The following RAP1GAP variants were observed in gnomAD, a reference collection of about 807,000 sequenced individuals.
The protein encoded by RAP1GAP is RAP1 GTPase activating protein.
In RAP1GAP, 35 loss-of-function variants were observed where a neutral mutation model predicts 87.2. That is an observed-to-expected ratio of 0.40 (90% CI 0.31 to 0.53). The LOEUF (loss-of-function observed/expected upper bound fraction) is 0.53, where lower values mean the gene tolerates loss of function less well. RAP1GAP is among the 20% of genes least tolerant of loss of function. The pLI is 0.48. For synonymous variants in RAP1GAP, 375 were observed against 363.9 expected (o/e 1.03, Z -0.35); for missense variants, 734 against 898.9 (o/e 0.82, Z 2.35).
At chr1:21,624,565 C>A (rs1035361807) in intron 3 of RAP1GAP, among the ~76,000 whole-genome samples, 2 of 152,110 alleles carry the variant, frequency 1.3e-5, no homozygotes, top group African/African-American at 2.4e-5. Flanking sequence ...CAGCCCAGCA[C>A]TGGCTTGCTG....
rs750087485 is a variant in RAP1GAP at position 21,617,992 on chromosome 1, C to T, written c.67-20G>A. Reference sequence around the variant, plus strand: ...CTCTGTCTGCAAAACACAAACAGGGCAAGGGTCTCTCCATCTGTCCATCCT... The same window carrying T: ...CTCTGTCTGCAAAACACAAACAGGGTAAGGGTCTCTCCATCTGTCCATCCT... On this transcript the variant is annotated intron_variant, in intron 5 of 24. Coordinates refer to ENST00000374765, the MANE Select transcript of RAP1GAP (RefSeq NM_002885.4). The T allele has an allele frequency of 6.2e-7, 1 of 1,614,012 alleles. No homozygotes were observed. Among genetic ancestry groups the T allele is most frequent in the Admixed American group, 1.7e-5 (1 of 60,026 alleles).
rs1434286978 is a variant in RAP1GAP, at chr1:21,609,495, A to G, written c.1071+80T>C. On this transcript the variant is annotated intron_variant, in intron 15 of 24. Transcript: ENST00000374765. The surrounding 1 kb of genome is among the most constrained non-coding windows in gnomAD (Gnocchi z 4.4). ...GCATACAATGAGACTTTGGGACCTC[A>G]TAAGGCAGAATGTGTATGCACCCCC... 1.2e-6 allele frequency: 1 copy of G among 835,218 alleles called. No homozygotes were observed. Among genetic ancestry groups the G allele is most frequent in the Non-Finnish European group, 1.8e-6 (1 of 570,910 alleles). 51.7% of individuals were successfully genotyped at this position (835,218 alleles called of 1,614,324 possible).
At chr1:21,661,246 T>A (rs2097143179) in intron 1 of RAP1GAP, among the ~76,000 whole-genome samples, 1 of 138,330 alleles carries the variant, frequency 7.2e-6, no homozygotes, top group Admixed American at 7.2e-5. Flanking sequence ...AGCAAGACTC[T>A]GTCTCCAAAA....
rs2071691181 is a variant in RAP1GAP, at chr1:21,604,048, A to G, written c.1429-1135T>C. 3 of 706,652 alleles carry G rather than the reference A, an allele frequency of 4.2e-6. No individual in the cohort carries two copies. The East Asian group carries it at 8.2e-5, about 19-fold the overall frequency. The allele number at this position is 706,652 out of a possible 1,614,324, so 43.8% of individuals were successfully genotyped here. A position where few individuals can be genotyped will look rare whatever the true frequency, so the allele number is the denominator to read the frequency against. ...GAAGACAGACAGAAAAAGGAAGAGA[A>G]CGGTGCAGGAGGCAATGGGAGAGAT... On this transcript the variant is annotated intron_variant, in intron 18 of 24. Transcript: ENST00000374765.
At chr1:21,602,656 G>A (rs539107424) in intron 19 of RAP1GAP, 148 bp downstream of exon 19, 24 of 659,670 alleles carry the variant, frequency 3.6e-5, no homozygotes, top group Middle Eastern at 2.8e-4. Context: ...TGCCCGACAC[G>A]CAGCAGGGAC....
chr1:21,662,654 T>TCATGCC (rs1553506009), intron 1 of RAP1GAP, among the ~76,000 whole-genome samples: 1 of 151,916 alleles, frequency 6.6e-6, no homozygotes, highest in Admixed American at 6.6e-5. Flanking sequence ...CCACCCCTGC[T>TCATGCC]CCTGCCCCTG....
chr1:21,597,677 G>A lies in RAP1GAP; in HGVS notation c.*34+9C>T. 1 of 1,596,802 alleles carries A rather than the reference G, an allele frequency of 6.3e-7. No individual in the cohort carries two copies. The highest frequency in any genetic ancestry group is 1.7e-5 in the Admixed American group (1 of 59,174). On this transcript the variant is annotated intron_variant, in intron 24 of 24. Transcript: ENST00000374765. ...CCCACCAAACACAAGCTGAGGGGCT[G>A]GGTCTAACCTGCTCAGTTTCACCTT...
At position 21,634,837 on chromosome 1, in the gene RAP1GAP, A is replaced by G; in HGVS notation, c.-112-8440T>C. On this transcript the variant is annotated intron_variant, in intron 2 of 24. Coordinates refer to ENST00000374765, the MANE Select transcript of RAP1GAP (RefSeq NM_002885.4). This position sits in a 1 kb window ranked among gnomAD's most constrained non-coding sequence, Gnocchi z 4.1. ...CTGTGGCCAAAACCTGACCCTTCCC[A>G]CCCCACCGAGGACTTCAGTGTGGAC... The G allele has an allele frequency of 5.4e-6, 2 of 369,288 alleles. No homozygotes were observed. Among genetic ancestry groups the G allele is most frequent in the South Asian group, 2.0e-5 (1 of 50,618 alleles). 22.9% of individuals were successfully genotyped at this position (369,288 alleles called of 1,614,324 possible). A position where few individuals can be genotyped will look rare whatever the true frequency, so the allele number is the denominator to read the frequency against.
chr1:21,658,890 G>A (rs893166963), intron 1 of RAP1GAP, among the ~76,000 whole-genome samples: 3 of 149,810 alleles, frequency 2.0e-5, no homozygotes, highest in African/African-American at 7.4e-5. Flanking sequence ...GAAGTCAGGT[G>A]TGTAGGCAGG....
chr1:21,661,918 G>A (rs1312293023), intron 1 of RAP1GAP, among the ~76,000 whole-genome samples: 1 of 152,214 alleles, frequency 6.6e-6, no homozygotes, highest in Non-Finnish European at 1.5e-5. Flanking sequence ...CCATGTGCAT[G>A]GTGGGCAGAG....
At chr1:21,617,798 G>T in intron 6 of RAP1GAP, 136 bp downstream of exon 6, 1 of 1,260,464 alleles carries the variant, frequency 7.9e-7, no homozygotes, top group Non-Finnish European at 1.1e-6. Flanking sequence ...GAGGCCTTGG[G>T]CCTGCAAATT....
chr1:21,660,723 G>A (rs765658927), intron 1 of RAP1GAP, among the ~76,000 whole-genome samples: 14 of 152,178 alleles, frequency 9.2e-5, no homozygotes, highest in South Asian at 2.1e-4. Context: ...GAGTGATGGC[G>A]TGTTAAACAA....
Position 21,611,475 on chromosome 1 carries a change from A to G in RAP1GAP, c.820T>C (p.Tyr274His). ...ACCTGCTGGGCGTCCCCTTCCGTGT[A>G]TGGCAGCTTGGTGGACACGTGAAAC... ...IMFHVSTKLP[Y>H]TEGDAQQLQR... The change falls in exon 13 of 25, where the codon TAC (tyrosine) becomes CAC (histidine). Residue 274 changes from tyrosine (Y) to histidine (H), a missense_variant. Physicochemically the swap from Tyr to His is moderately conservative, Grantham distance 83. This residue lies in a region of RAP1GAP where 485 missense variants were observed against 646.2 expected (regional missense o/e 0.75). Coordinates refer to ENST00000374765, the MANE Select transcript of RAP1GAP (RefSeq NM_002885.4). The G allele has an allele frequency of 6.2e-7, 1 of 1,614,110 alleles. No individual in the cohort carries two copies. The highest frequency in any genetic ancestry group is 8.5e-7 in the Non-Finnish European group (1 of 1,179,994).
Position 21,660,345 on chromosome 1 carries a change from A to ATATATATATATATATATATATATATT in RAP1GAP, c.-149+8908_-149+8909insAATATATATATATATATATATATATA. Among the ~76,000 whole-genome samples the ATATATATATATATATATATATATATT allele has an allele frequency of 1.5e-3, 139 of 92,532 alleles. 6 individuals are homozygous for ATATATATATATATATATATATATATT. Among genetic ancestry groups the ATATATATATATATATATATATATATT allele is most frequent in the African/African-American group, 4.8e-3 (124 of 25,970 alleles). The allele number at this position is 92,532 out of a possible 152,430, so 60.7% of individuals were successfully genotyped here. On this transcript the variant is annotated intron_variant, in intron 1 of 24. Transcript: ENST00000374765. ...AGAGTGGGTTCCAACTCAGCTATAT[A>ATATATATATATATATATATATATATT]TATTTATTGAGACAGTCTCGCTCTG...
intron 2 of RAP1GAP, among the ~76,000 whole-genome samples, chr1:21,644,932 G>GAAAGAAAT (rs2095889947): frequency 6.9e-6 from 1 of 145,458 alleles, no homozygotes; most frequent in African/African-American, 2.6e-5. Flanking sequence ...AGAAAAGAAA[G>GAAAGAAAT]AAAGAAAGAA....
In RAP1GAP at chr1:21,649,188, A is replaced by C. The variant is rs542300930; in HGVS notation, c.-113+573T>G. 2.0e-5 allele frequency among the ~76,000 whole-genome samples: 3 copies of C among 152,254 alleles called. No individual in the cohort carries two copies. The South Asian group carries it at 6.2e-4, about 32-fold the overall frequency. ...TTGCCTCTTGGTGTTGAGAAGCTGC[A>C]CATACAGTTGCCTCGTTCCCTCCTC... On this transcript the variant is annotated intron_variant, in intron 2 of 24. Coordinates refer to ENST00000374765, the MANE Select transcript of RAP1GAP (RefSeq NM_002885.4).
chr1:21,644,850 G>A (rs935521496), intron 2 of RAP1GAP, among the ~76,000 whole-genome samples: 4 of 145,194 alleles, frequency 2.8e-5, no homozygotes, highest in Admixed American at 7.0e-5. Flanking sequence ...GCAGTGAACC[G>A]AGATCGCGCC....
At chr1:21,624,843 GCTCTCT>G (rs10594675) in intron 3 of RAP1GAP, among the ~76,000 whole-genome samples, 2 of 151,276 alleles carry the variant, frequency 1.3e-5, no homozygotes, top group Non-Finnish European at 1.5e-5. Flanking sequence ...GCTATGGGCT[GCTCTCT>G]CTCTCTCTCG....
intron 1 of RAP1GAP, among the ~76,000 whole-genome samples, chr1:21,667,941 A>C (rs4654977): frequency 0.19 from 29,193 of 152,148 alleles, 3,091 homozygotes; most frequent in Admixed American, 0.23. Context: ...GGGGGCTCTC[A>C]GAGTGAGGCT....
Sources: allele counts gnomAD v4.1 joint callset (sites outside exome capture counted in the v4.1 genomes callset), GRCh38; gene constraint gnomAD v4.1.1; regional missense constraint gnomAD v4.1.1; non-coding constraint Gnocchi (gnomAD v3.1); transcripts MANE v1.5; gene names NCBI Gene and HGNC (gene_info 2026-07-23, HGNC 2026-07-21).